The following ACVRL1 variants were observed in gnomAD, a reference collection of about 807,000 sequenced individuals.
The protein encoded by ACVRL1 is activin receptor type-1-like.
Under a neutral mutation model 51.9 loss-of-function variants are expected in ACVRL1, and 20 were observed. That is an observed-to-expected ratio of 0.39 (90% confidence interval 0.27 to 0.56). The LOEUF (loss-of-function observed/expected upper bound fraction) is 0.56, where lower values mean the gene tolerates loss of function less well. ACVRL1 is among the 20% of genes least tolerant of loss of function. The pLI, the probability that ACVRL1 is intolerant of heterozygous loss-of-function variation, is 0.67. For missense variants in ACVRL1, 451 were observed against 670.3 expected (o/e 0.67, Z 3.61); for synonymous variants, 288 against 280.9 (o/e 1.03, Z -0.25).
At chr12:51,918,503 G>A (rs1178570497) in intron 8 of ACVRL1, among the ~76,000 whole-genome samples, 1 of 152,190 alleles carries the variant, frequency 6.6e-6, no homozygotes, top group Non-Finnish European at 1.5e-5. Flanking sequence ...AACATTTGGT[G>A]TTATTATTAT....
chr12:51,907,229 A>T (rs1236183328), upstream of ACVRL1, among the ~76,000 whole-genome samples: 2 of 151,938 alleles, frequency 1.3e-5, no homozygotes, highest in East Asian at 3.9e-4. This position sits in a 1 kb window ranked among gnomAD's most constrained non-coding sequence, Gnocchi z 4.5. Flanking sequence ...CCACGGCCTG[A>T]GTCCAAGGCC....
rs779758131 is a variant in ACVRL1, at chr12:51,915,385, G to A, written c.933G>A (p.Ala311=). ...CTGTGTCCGCGGCATGCGGCCTGGC[G>A]CACCTGCACGTGGAGATCTTCGGTA... is the stretch of plus-strand genomic sequence containing the variant. ...RLAVSAACGL[A]HLHVEIFGTQ... is the part of the protein sequence containing the mutation. Residue 311 remains alanine (A), a synonymous_variant, in exon 7 of 10, where the codon GCG becomes GCA. Coordinates refer to ENST00000388922, the MANE Select transcript of ACVRL1 (RefSeq NM_000020.3). 39 of 1,613,878 alleles carry A rather than the reference G, an allele frequency of 2.4e-5. No individual in the cohort carries two copies. The highest frequency in any genetic ancestry group is 3.1e-5 in the Non-Finnish European group (36 of 1,180,062).
At chr12:51,911,617 C>T (rs1348371159) in intron 1 of ACVRL1, among the ~76,000 whole-genome samples, 7 of 152,154 alleles carry the variant, frequency 4.6e-5, no homozygotes, top group African/African-American at 7.2e-5. Context: ...AGGGACAGAG[C>T]GAAGAGAGCA....
intron 4 of ACVRL1, 84 bp from the exon 5 acceptor site, chr12:51,913,890 G>T: frequency 6.4e-7 from 1 of 1,570,520 alleles, no homozygotes; most frequent in South Asian, 1.1e-5. Context: ...AGCTTGCAGT[G>T]ACCCAGCAGG....
chr12:51,918,038 C>A (rs1940880087), intron 8 of ACVRL1, among the ~76,000 whole-genome samples: 1 of 152,234 alleles, frequency 6.6e-6, no homozygotes, highest in Non-Finnish European at 1.5e-5. Flanking sequence ...CTGGCGAAGG[C>A]TCTATCGAGG....
intron 6 of ACVRL1, 65 bp from the exon 7 acceptor site, chr12:51,915,160 C>T (rs1252933005): frequency 3.8e-6 from 6 of 1,593,924 alleles, no homozygotes; most frequent in South Asian, 1.1e-5. Context: ...CACCCTGACC[C>T]TGACGACTCC....
chr12:51,912,977 C>T, intron 2 of ACVRL1, 122 bp from the exon 3 acceptor site: 11 of 1,399,914 alleles, frequency 7.9e-6, no homozygotes, highest in Non-Finnish European at 1.1e-5. Flanking sequence ...AAGTAAGAGA[C>T]CAAAGCTTCA....
chr12:51,920,611 CT>C, intron 9 of ACVRL1, 147 bp from the exon 10 acceptor site: 1 of 850,404 alleles, frequency 1.2e-6, no homozygotes, highest in Admixed American at 2.0e-5. Context: ...TTCTCTCCTG[CT>C]TATGTCTCCC....
At chr12:51,915,094 C>A (rs1940797479) in intron 6 of ACVRL1, 131 bp from the exon 7 acceptor site, 4 of 1,053,852 alleles carry the variant, frequency 3.8e-6, no homozygotes, top group African/African-American at 1.6e-5. Flanking sequence ...CCACATCAAC[C>A]CCCACCCCCA....
chr12:51,913,690 A>G lies in ACVRL1; in HGVS notation c.445A>G (p.Lys149Glu), dbSNP rs1940755077. The change falls in exon 4 of 10, where the codon AAG (lysine) becomes GAG (glutamate). Residue 149 changes from lysine to glutamate, a missense_variant. Physicochemically the swap from Lys to Glu is moderately conservative, Grantham distance 56. Around this residue, in one of 2 missense-constraint regions of ACVRL1, gnomAD observed 192 missense variants for 216.9 expected, o/e 0.89. Transcript: ENST00000388922. ...GLWHVRRRQE[K>E]QRGLHSELGE... ...GTGGCATGTCCGACGGAGGCAGGAGAAGCAGCGTGGCCTGCACAGCGAGCT... is the reference window on the plus strand; with the variant it reads ...GTGGCATGTCCGACGGAGGCAGGAGGAGCAGCGTGGCCTGCACAGCGAGCT... 2.5e-6 allele frequency: 4 copies of G among 1,611,126 alleles called. No individual in the cohort carries two copies. Among genetic ancestry groups the G allele is most frequent in the Non-Finnish European group, 3.4e-6 (4 of 1,179,996 alleles).
In ACVRL1 at chr12:51,921,078, C is replaced by A; in HGVS notation, c.*185C>A. The stretch of plus-strand genomic sequence containing the variant: ...AGCTGGGCTGAAACCTGATCCCCTG[C>A]TGTCTGGCCTGCTCAAAGCGGCAGG... On this transcript the variant is annotated 3_prime_UTR_variant, in exon 10 of 10. Coordinates refer to ENST00000388922, the MANE Select transcript of ACVRL1 (RefSeq NM_000020.3). 1.4e-6 allele frequency: 1 copy of A among 704,564 alleles called. No homozygotes were observed. Among genetic ancestry groups the A allele is most frequent in the Non-Finnish European group, 2.4e-6 (1 of 418,598 alleles). 43.6% of individuals were successfully genotyped at this position (704,564 alleles called of 1,614,324 possible).
chr12:51,919,440 G>C (rs1303775173), intron 9 of ACVRL1: 1 of 405,650 alleles, frequency 2.5e-6, no homozygotes, highest in Non-Finnish European at 4.6e-6. Context: ...TTGTCACCCA[G>C]GCTGGGGTGC....
intron 1 of ACVRL1, among the ~76,000 whole-genome samples, chr12:51,908,035 G>A (rs981435594): frequency 1.3e-5 from 2 of 152,176 alleles, no homozygotes; most frequent in Admixed American, 6.5e-5. Context: ...GGGATCACAC[G>A]TCCTCCAGGC....
At chr12:51,908,693 T>C (rs1426741960) in intron 1 of ACVRL1, among the ~76,000 whole-genome samples, 1 of 152,204 alleles carries the variant, frequency 6.6e-6, no homozygotes, top group Non-Finnish European at 1.5e-5. Flanking sequence ...GTACTACTTA[T>C]ACTCTGCTAA....
In ACVRL1 at chr12:51,907,766, G is replaced by T. The variant is rs984766057; in HGVS notation, c.-6+71G>T. The T allele has an allele frequency of 8.5e-5, 13 of 152,386 alleles. No homozygotes were observed. Among genetic ancestry groups the T allele is most frequent in the African/African-American group, 2.9e-4 (12 of 41,584 alleles). 9.4% of individuals were successfully genotyped at this position (152,386 alleles called of 1,614,324 possible). On this transcript the variant is annotated intron_variant, in intron 1 of 9. Transcript: ENST00000388922. The surrounding 1 kb of genome is among the most constrained non-coding windows in gnomAD (Gnocchi z 4.5). ...CCCCGCTTCAGTGGGCCCTTCCTTC[G>T]GGCGGACCCCAGAGTCACCGCAGAG...
chr12:51,915,957 T>G, intron 7 of ACVRL1, 79 bp from the exon 8 acceptor site: 1 of 1,503,568 alleles, frequency 6.7e-7, no homozygotes, highest in Middle Eastern at 1.9e-4. Flanking sequence ...TCCCACTGTT[T>G]CTCTCAGTCC....
chr12:51,908,816 T>C (rs968751060), intron 1 of ACVRL1, among the ~76,000 whole-genome samples: 2 of 152,208 alleles, frequency 1.3e-5, no homozygotes, highest in Non-Finnish European at 2.9e-5. Context: ...TTCATACCTC[T>C]AAGTGGCAAA....
rs757819334 is a variant in ACVRL1 at position 51,913,239 on chromosome 12, G to A, written c.202G>A (p.Gly68Ser). The change falls in exon 3 of 10, where the codon GGC becomes AGC. Residue 68 changes from glycine to serine, a missense_variant. Gly to Ser is a moderately conservative substitution (Grantham distance 56). This residue lies in a region of ACVRL1 where 192 missense variants were observed against 216.9 expected (regional missense o/e 0.89). Transcript: ENST00000388922. ...EEGRHPQEHR[G>S]CGNLHRELCR... ...GGGGAGGCACCCCCAGGAACATCGGGGCTGCGGGAACTTGCACAGGGAGCT... is the reference window on the plus strand; with the variant it reads ...GGGGAGGCACCCCCAGGAACATCGGAGCTGCGGGAACTTGCACAGGGAGCT... 6.3e-7 allele frequency: 1 copy of A among 1,591,042 alleles called. No homozygotes were observed. The highest frequency in any genetic ancestry group is 8.6e-7 in the Non-Finnish European group (1 of 1,168,828).
chr12:51,912,380 T>G (rs1351192762), intron 1 of ACVRL1, 90 bp from the exon 2 acceptor site: 1 of 1,459,788 alleles, frequency 6.9e-7, no homozygotes, highest in Non-Finnish European at 9.6e-7. Flanking sequence ...CAAAAAAAAC[T>G]CTGTGATTTC....
Sources: allele counts gnomAD v4.1 joint callset (sites outside exome capture counted in the v4.1 genomes callset), GRCh38; gene constraint gnomAD v4.1.1; regional missense constraint gnomAD v4.1.1; non-coding constraint Gnocchi (gnomAD v3.1); transcripts MANE v1.5; gene names NCBI Gene and HGNC (gene_info 2026-07-23, HGNC 2026-07-21).